Variants in VPS36 observed in about 807,000 individuals in gnomAD.
The protein encoded by VPS36 is vacuolar protein sorting 36 homolog, also known as vacuolar protein-sorting-associated protein 36.
In VPS36, 31 loss-of-function variants were observed where a neutral mutation model predicts 63.5. That is an observed-to-expected ratio of 0.49 (90% CI 0.37 to 0.66). VPS36 has a LOEUF of 0.66. Among genes scored for constraint, VPS36 ranks in the 30% least tolerant of loss-of-function variants. The probability of loss-of-function intolerance (pLI) is 0.00; values close to 1 mark genes in which losing one functional copy is unlikely to be tolerated. For synonymous variants in VPS36, 138 were observed against 157.2 expected (o/e 0.88, Z 0.91); for missense variants, 338 against 463.7 (o/e 0.73, Z 2.49).
intron 2 of VPS36, among the ~76,000 whole-genome samples, chr13:52,441,232 T>C (rs1007114113): frequency 2.6e-5 from 4 of 152,100 alleles, no homozygotes; most frequent in Admixed American, 6.5e-5. Context: ...AAGTCAGATA[T>C]TGTAATGGTT....
rs150816705 is a variant in VPS36 at position 52,436,218 on chromosome 13, A to AACACACACACACAC, written c.351+58_351+71dup. The stretch of plus-strand genomic sequence containing the variant: ...ACCTTCCATCATATTAACAAGCCAC[A>AACACACACACACAC]ACACACACACACACACACACACACA... On this transcript the variant is annotated intron_variant, in intron 4 of 13. Transcript: ENST00000378060. 3.5e-3 allele frequency: 2,255 copies of AACACACACACACAC among 643,658 alleles called. 29 individuals carry two copies. Among genetic ancestry groups the AACACACACACACAC allele is most frequent in the African/African-American group, 0.019 (1,062 of 54,524 alleles). 39.9% of individuals were successfully genotyped at this position (643,658 alleles called of 1,614,324 possible).
intron 2 of VPS36, among the ~76,000 whole-genome samples, 170 bp from the exon 3 acceptor site, chr13:52,439,338 C>G (rs1013763122): frequency 2.6e-5 from 4 of 152,042 alleles, no homozygotes; most frequent in African/African-American, 9.7e-5. Flanking sequence ...TAAATGAAAA[C>G]AGTAATGTGG....
chr13:52,441,405 G>A (rs940779240), intron 2 of VPS36, among the ~76,000 whole-genome samples: 6 of 151,988 alleles, frequency 3.9e-5, no homozygotes, highest in Non-Finnish European at 7.4e-5. Flanking sequence ...AAGCTCTTGG[G>A]AATAAAGATA....
At position 52,420,721 on chromosome 13, in the gene VPS36, A is replaced by C. The variant is rs190528215; in HGVS notation, c.841-2665T>G. Among the ~76,000 whole-genome samples the C allele has an allele frequency of 2.2e-3, 340 of 152,354 alleles. 3 individuals are homozygous for C. Among genetic ancestry groups the C allele is most frequent in the African/African-American group, 7.8e-3 (326 of 41,576 alleles). ...TAAACACTGGAGGTGACAGACCCCCAATTTCCCTGATTTGGTCATTACACA... is the reference window on the plus strand; with the variant it reads ...TAAACACTGGAGGTGACAGACCCCCCATTTCCCTGATTTGGTCATTACACA... On this transcript the variant is annotated intron_variant, in intron 10 of 13. Transcript: ENST00000378060.
Position 52,412,636 on chromosome 13 carries a change from A to C in VPS36, c.*3194T>G, listed in dbSNP as rs1277104463. The C allele has an allele frequency of 6.6e-6, 1 of 152,228 alleles. No individual in the cohort carries two copies. Among genetic ancestry groups the C allele is most frequent in the Non-Finnish European group, 1.5e-5 (1 of 68,048 alleles). The allele number at this position is 152,228 out of a possible 1,614,324, so 9.4% of individuals were successfully genotyped here. A position where few individuals can be genotyped will look rare whatever the true frequency, so the allele number is the denominator to read the frequency against. ...GTTCAAAAAAATGTTTTTTTTATTG[A>C]ATTGAATGGGAGCTAAAGTAGGATA... On this transcript the variant is annotated 3_prime_UTR_variant, in exon 14 of 14. Coordinates refer to ENST00000378060, the MANE Select transcript of VPS36 (RefSeq NM_016075.4).
At position 52,450,634 on chromosome 13, in the gene VPS36, C is replaced by G; in HGVS notation, c.-40G>C. The G allele has an allele frequency of 6.5e-7, 1 of 1,529,860 alleles. No homozygotes were observed. The highest frequency in any genetic ancestry group is 1.2e-5 in the South Asian group (1 of 82,958). 94.8% of individuals were successfully genotyped at this position (1,529,860 alleles called of 1,614,324 possible). ...AGCCCCGGCCCTCCGAGGCCGCGAGCAGCGCGCCAGGCAGCCTGCGGCGCC... is the reference window on the plus strand; with the variant it reads ...AGCCCCGGCCCTCCGAGGCCGCGAGGAGCGCGCCAGGCAGCCTGCGGCGCC... On this transcript the variant is annotated 5_prime_UTR_variant, in exon 1 of 14. Transcript: ENST00000378060.
At chr13:52,432,683 C>T (rs1041250747) in intron 6 of VPS36, among the ~76,000 whole-genome samples, 1 of 152,156 alleles carries the variant, frequency 6.6e-6, no homozygotes, top group Non-Finnish European at 1.5e-5. Context: ...TTTTGCCAAA[C>T]GGACAGAACA....
At chr13:52,440,026 T>C (rs1192024888) in intron 2 of VPS36, among the ~76,000 whole-genome samples, 1 of 151,990 alleles carries the variant, frequency 6.6e-6, no homozygotes, top group Non-Finnish European at 1.5e-5. Context: ...TTGCCCAAGC[T>C]GGAGTGCAGT....
In VPS36 at chr13:52,422,830, C is replaced by A. The variant is rs1432035066; in HGVS notation, c.840+744G>T. 2.0e-5 allele frequency among the ~76,000 whole-genome samples: 3 copies of A among 152,058 alleles called. No individual in the cohort carries two copies. In the East Asian group the frequency reaches 5.8e-4, roughly 29 times the overall value. On this transcript the variant is annotated intron_variant, in intron 10 of 13. Coordinates refer to ENST00000378060, the MANE Select transcript of VPS36 (RefSeq NM_016075.4). The stretch of plus-strand genomic sequence containing the variant: ...TTTAAAGTGATGAATATCTTAATTG[C>A]CCTGTGATATGGTTTGGCTCTGTGT...
At position 52,413,819 on chromosome 13, in the gene VPS36, A is replaced by G. The variant is rs1262889211; in HGVS notation, c.*2011T>C. Reference sequence around the variant, plus strand: ...AATAACACCTTATAATAATGGCCTGAAAAAAAAAGATAAAAATACACAAAT... The same window carrying G: ...AATAACACCTTATAATAATGGCCTGGAAAAAAAAGATAAAAATACACAAAT... On this transcript the variant is annotated 3_prime_UTR_variant, in exon 14 of 14. Coordinates refer to ENST00000378060, the MANE Select transcript of VPS36 (RefSeq NM_016075.4). The G allele has an allele frequency of 1.3e-5, 2 of 152,042 alleles. No homozygotes were observed. Among genetic ancestry groups the G allele is most frequent in the Non-Finnish European group, 2.9e-5 (2 of 67,888 alleles). 9.4% of individuals were successfully genotyped at this position (152,042 alleles called of 1,614,324 possible). A position where few individuals can be genotyped will look rare whatever the true frequency, so the allele number is the denominator to read the frequency against.
chr13:52,450,138 T>C (rs1958386314), intron 1 of VPS36: 36 of 998,394 alleles, frequency 3.6e-5, no homozygotes, highest in Non-Finnish European at 4.1e-5. Context: ...GCCAAGGAAG[T>C]CGACTGCCGG....
At chr13:52,443,609 C>T (rs563368410) in intron 1 of VPS36, among the ~76,000 whole-genome samples, 2 of 152,258 alleles carry the variant, frequency 1.3e-5, no homozygotes, top group East Asian at 3.9e-4. Context: ...GAAATAAATG[C>T]CTGTTGTTTA....
chr13:52,449,949 C>T (rs758340117), intron 1 of VPS36: 173 of 985,468 alleles, frequency 1.8e-4, no homozygotes, highest in Non-Finnish European at 2.0e-4. Flanking sequence ...GAAATCCTTT[C>T]GAAGCAATCC....
intron 12 of VPS36, 60 bp downstream of exon 12, chr13:52,416,997 G>T: frequency 7.1e-7 from 1 of 1,408,620 alleles, no homozygotes; most frequent in Non-Finnish European, 9.8e-7. Context: ...TTTTTGAGTT[G>T]CTAAGCCTTC....
intron 6 of VPS36, among the ~76,000 whole-genome samples, chr13:52,432,372 C>A (rs1419974624): frequency 6.6e-6 from 1 of 151,126 alleles, no homozygotes; most frequent in African/African-American, 2.4e-5. Context: ...CAAAACAAAA[C>A]AAAAAAACAA....
chr13:52,433,954 C>A (rs1458001325), intron 5 of VPS36, among the ~76,000 whole-genome samples: 2 of 152,102 alleles, frequency 1.3e-5, no homozygotes, highest in Non-Finnish European at 2.9e-5. Context: ...TCAGGAAAAA[C>A]CAAATATACA....
intron 10 of VPS36, 28 bp downstream of exon 10, chr13:52,423,544 TAA>T: frequency 6.3e-7 from 1 of 1,583,456 alleles, no homozygotes. Context: ...TACATTTGGT[TAA>T]AAGAGTATTT....
intron 1 of VPS36, among the ~76,000 whole-genome samples, chr13:52,446,322 GAAAC>G (rs1171581458): frequency 2.6e-4 from 39 of 150,630 alleles, no homozygotes; most frequent in African/African-American, 9.0e-4. Flanking sequence ...TTCTGATTAA[GAAAC>G]TTCGTATGTT....
rs181910630 is a variant in VPS36, at chr13:52,430,398, T to C, written c.529-3179A>G. ...CTGTAATCCCAGCACTTTGGGAGGC[T>C]GAGGCGACCGGATCACGAGGTCAGG... On this transcript the variant is annotated intron_variant, in intron 6 of 13. Transcript: ENST00000378060. Among the ~76,000 whole-genome samples, 1,119 of 152,188 alleles carry C rather than the reference T, an allele frequency of 7.4e-3. 5 individuals are homozygous for C. Among genetic ancestry groups the C allele is most frequent in the African/African-American group, 0.017 (697 of 41,552 alleles).
Sources: gnomAD v4.1 joint callset for allele counts (sites outside exome capture counted in the v4.1 genomes callset) on GRCh38, gnomAD v4.1.1 for gene constraint, MANE v1.5 for transcripts, NCBI Gene and HGNC (gene_info 2026-07-23, HGNC 2026-07-21) for gene names.